The following DLG2 variants were observed in gnomAD, a reference collection of about 807,000 sequenced individuals.
DLG2 encodes discs large MAGUK scaffold protein 2.
Under a neutral mutation model 132.5 loss-of-function variants are expected in DLG2, and 45 were observed. The observed-to-expected ratio is 0.34, with a 90% CI of 0.27 to 0.44. DLG2 has a LOEUF of 0.44. Ranked by LOEUF, DLG2 falls within the 20% of genes least tolerant of loss-of-function variation. The probability of loss-of-function intolerance (pLI) is 1.00; values close to 1 mark genes in which losing one functional copy is unlikely to be tolerated. For synonymous variants in DLG2, 424 were observed against 419.6 expected (o/e 1.01, Z -0.13); for missense variants, 1,045 against 1,196.9 (o/e 0.87, Z 1.87).
intron 6 of DLG2, among the ~76,000 whole-genome samples, chr11:85,093,156 C>G (rs1291074866): frequency 1.3e-5 from 2 of 152,124 alleles, no homozygotes; most frequent in Middle Eastern, 3.2e-3. Context: ...AGAAGAACTT[C>G]TATATCAGCA....
intron 6 of DLG2, among the ~76,000 whole-genome samples, chr11:84,904,911 G>A (rs960611314): frequency 2.6e-5 from 4 of 152,098 alleles, no homozygotes; most frequent in Non-Finnish European, 5.9e-5. Context: ...AAAGCCAACT[G>A]GCTTGACCTG....
intron 4 of DLG2, among the ~76,000 whole-genome samples, chr11:85,199,792 A>G (rs2081317991): frequency 6.6e-6 from 1 of 152,182 alleles, no homozygotes; most frequent in Admixed American, 6.5e-5. Context: ...AGTGAGCCAC[A>G]AATAGATTAA....
intron 15 of DLG2, among the ~76,000 whole-genome samples, chr11:83,898,343 T>C (rs536663439): frequency 6.6e-6 from 1 of 152,120 alleles, no homozygotes; most frequent in Non-Finnish European, 1.5e-5. Context: ...TCAAGAAAAC[T>C]ATAATGACTG....
intron 4 of DLG2, among the ~76,000 whole-genome samples, chr11:85,259,799 T>C (rs116773932): frequency 1.2e-3 from 178 of 152,202 alleles, no homozygotes; most frequent in African/African-American, 4.0e-3. Flanking sequence ...CACCTCACTA[T>C]TTTTTTCAGG....
chr11:85,103,211 A>T (rs1373716454), intron 6 of DLG2, among the ~76,000 whole-genome samples: 1 of 151,990 alleles, frequency 6.6e-6, no homozygotes, highest in African/African-American at 2.4e-5. Flanking sequence ...AGTCAATGAA[A>T]TCTCTATGAA....
intron 4 of DLG2, among the ~76,000 whole-genome samples, chr11:85,162,524 C>A (rs970807400): frequency 3.3e-5 from 5 of 152,188 alleles, no homozygotes; most frequent in Non-Finnish European, 7.3e-5. Context: ...TGAGTATTCC[C>A]TCCTACTTTT....
At chr11:83,852,632 T>C (rs926105465) in intron 16 of DLG2, among the ~76,000 whole-genome samples, 8 of 152,352 alleles carry the variant, frequency 5.3e-5, no homozygotes, top group African/African-American at 1.7e-4. Context: ...CTAAAAATTC[T>C]TTCCTTTAAA....
intron 3 of DLG2, among the ~76,000 whole-genome samples, chr11:85,465,319 T>C (rs1420582293): frequency 2.0e-5 from 3 of 151,746 alleles, no homozygotes; most frequent in Non-Finnish European, 4.4e-5. Flanking sequence ...TTTTTTTTAA[T>C]TATACTTTAA....
At chr11:84,517,509 G>C (rs77051300) in intron 7 of DLG2, among the ~76,000 whole-genome samples, 2,037 of 151,986 alleles carry the variant, frequency 0.013, 41 homozygotes, top group African/African-American at 0.045. Flanking sequence ...CGCTGGCAAG[G>C]ATGTGGAAAA....
intron 6 of DLG2, among the ~76,000 whole-genome samples, chr11:84,919,565 G>C (rs2154082748): frequency 6.6e-6 from 1 of 152,238 alleles, no homozygotes; most frequent in East Asian, 1.9e-4. Context: ...AGAGTAACTA[G>C]TCATTGCCTC....
chr11:85,589,053 C>T (rs1029976948), intron 3 of DLG2, among the ~76,000 whole-genome samples: 12 of 152,130 alleles, frequency 7.9e-5, no homozygotes, highest in Non-Finnish European at 1.2e-4. Flanking sequence ...TGGATACCAG[C>T]GCCTGCCCTG....
chr11:85,343,239 A>G (rs146328731), intron 3 of DLG2, among the ~76,000 whole-genome samples: 521 of 152,068 alleles, frequency 3.4e-3, no homozygotes, highest in Non-Finnish European at 5.1e-3. Flanking sequence ...ATTATTTCCC[A>G]TTTTTTCCCA....
At chr11:84,142,166 G>A (rs937941889) in intron 9 of DLG2, among the ~76,000 whole-genome samples, 1 of 151,962 alleles carries the variant, frequency 6.6e-6, no homozygotes, top group African/African-American at 2.4e-5. Flanking sequence ...GCTGCACATG[G>A]TGGCACATGC....
At chr11:83,882,456 AT>A (rs35375259) in intron 15 of DLG2, among the ~76,000 whole-genome samples, 12,992 of 152,264 alleles carry the variant, frequency 0.085, 771 homozygotes, top group Non-Finnish European at 0.13. Context: ...ATTAAATCAA[AT>A]TTAGAGCCCC....
At chr11:83,920,793 G>A (rs2077734258) in intron 15 of DLG2, among the ~76,000 whole-genome samples, 1 of 152,006 alleles carries the variant, frequency 6.6e-6, no homozygotes, top group African/African-American at 2.4e-5. Flanking sequence ...GAAAGTTGTG[G>A]AGGCAAAATT....
chr11:85,127,941 C>T (rs1300238451), intron 5 of DLG2, among the ~76,000 whole-genome samples: 2 of 152,102 alleles, frequency 1.3e-5, no homozygotes, highest in Non-Finnish European at 2.9e-5. Flanking sequence ...CTGGCAATAA[C>T]TTTTATTTCC....
chr11:83,990,921 T>A (rs1190594021), intron 11 of DLG2, among the ~76,000 whole-genome samples: 1 of 152,094 alleles, frequency 6.6e-6, no homozygotes, highest in Non-Finnish European at 1.5e-5. Context: ...GCTGGCCCTG[T>A]CTGAGAAAAC....
chr11:84,546,544 G>A (rs997829139), intron 6 of DLG2: 1 of 364,360 alleles, frequency 2.7e-6, no homozygotes, highest in African/African-American at 2.1e-5. Context: ...TCACAGTTAA[G>A]TAGGCAACTA....
At chr11:84,843,687 C>T (rs1489265255) in intron 6 of DLG2, among the ~76,000 whole-genome samples, 3 of 151,678 alleles carry the variant, frequency 2.0e-5, no homozygotes, top group African/African-American at 7.3e-5. Flanking sequence ...CTTATAATAC[C>T]TAATACGATG....
Sources: allele counts gnomAD v4.1 joint callset (sites outside exome capture counted in the v4.1 genomes callset), GRCh38; gene constraint gnomAD v4.1.1; transcripts MANE v1.5; gene names NCBI Gene and HGNC (gene_info 2026-07-23, HGNC 2026-07-21).